THSD4: variants seen among roughly 807,000 people sequenced by gnomAD.
The protein encoded by THSD4 is thrombospondin type-1 domain-containing protein 4.
A neutral mutation model predicts 119.0 loss-of-function variants in THSD4; 69 were observed. The ratio of observed to expected loss-of-function variants is 0.58; its 90% confidence interval spans 0.48 to 0.71. THSD4 has a LOEUF of 0.71. THSD4 is among the 30% of genes least tolerant of loss of function. The pLI is 0.00. For missense variants in THSD4, 1,393 were observed against 1,391.1 expected, an observed-to-expected ratio of 1.00 and a Z score of -0.02; for synonymous variants, 524 against 540.4, an observed-to-expected ratio of 0.97 and a Z score of 0.42.
At chr15:71,716,379 T>A (rs2141102395) in intron 8 of THSD4, among the ~76,000 whole-genome samples, 1 of 152,312 alleles carries the variant, frequency 6.6e-6, no homozygotes, top group African/African-American at 2.4e-5. Context: ...GAGGACACTA[T>A]TCAACCCAGT....
intron 6 of THSD4, among the ~76,000 whole-genome samples, chr15:71,392,569 C>G (rs1004994403): frequency 4.6e-5 from 7 of 152,162 alleles, no homozygotes; most frequent in Non-Finnish European, 8.8e-5. Flanking sequence ...TGTCTAAAGG[C>G]CTAACCATCA....
At chr15:71,645,086 A>C (rs924183668) in intron 7 of THSD4, among the ~76,000 whole-genome samples, 1 of 152,202 alleles carries the variant, frequency 6.6e-6, no homozygotes, top group Non-Finnish European at 1.5e-5. Context: ...AATCATATAC[A>C]GAATACAGTC....
chr15:71,280,174 A>G (rs1411957053), intron 6 of THSD4, among the ~76,000 whole-genome samples: 1 of 152,190 alleles, frequency 6.6e-6, no homozygotes, highest in Non-Finnish European at 1.5e-5. Context: ...TTGGGCAGAA[A>G]ATACAGGTGT....
intron 7 of THSD4, among the ~76,000 whole-genome samples, chr15:71,423,277 C>T (rs911695367): frequency 1.3e-5 from 2 of 152,168 alleles, no homozygotes; most frequent in Non-Finnish European, 2.9e-5. Flanking sequence ...TCCATAGCCA[C>T]CACAGCTGGG....
chr15:71,145,852 G>A lies in THSD4; in HGVS notation c.29+4296G>A, dbSNP rs189184307. ...GGGAGGAGGGAGTGGAGGAAGGAGA[G>A]GGAAGGAGAAGGAGGAGGAGCAGGA... is the stretch of plus-strand genomic sequence containing the variant. On this transcript the variant is annotated intron_variant, in intron 2 of 17. Transcript: ENST00000261862. Among the ~76,000 whole-genome samples the A allele has an allele frequency of 3.4e-4, 51 of 152,028 alleles. 1 individual carries two copies. In the East Asian group the frequency reaches 9.7e-3, roughly 29 times the overall value.
intron 6 of THSD4, among the ~76,000 whole-genome samples, chr15:71,321,369 C>T (rs1185142836): frequency 6.6e-6 from 1 of 152,146 alleles, no homozygotes; most frequent in Admixed American, 6.5e-5. Context: ...AACCCTGTCT[C>T]TACTAAAAAT....
chr15:71,303,876 A>G (rs1247826117), intron 6 of THSD4, among the ~76,000 whole-genome samples: 2 of 152,130 alleles, frequency 1.3e-5, no homozygotes, highest in Admixed American at 1.3e-4. Context: ...TCCTCACACT[A>G]GGAACCTTGG....
chr15:71,141,145 C>G (rs560076209), intron 1 of THSD4, among the ~76,000 whole-genome samples: 1 of 152,354 alleles, frequency 6.6e-6, no homozygotes, highest in East Asian at 1.9e-4. Flanking sequence ...ATAGATGGGG[C>G]TGGATTTCCA....
At chr15:71,356,633 G>A (rs191121148) in intron 6 of THSD4, among the ~76,000 whole-genome samples, 10 of 151,222 alleles carry the variant, frequency 6.6e-5, no homozygotes, top group African/African-American at 2.4e-4. Flanking sequence ...CAGGGAGGGA[G>A]GAGGCTTTAG....
chr15:71,681,674 CAA>C (rs147593449), intron 8 of THSD4, among the ~76,000 whole-genome samples: 22 of 100,114 alleles, frequency 2.2e-4, no homozygotes, highest in Admixed American at 2.1e-4. Context: ...AACTTCGTCT[CAA>C]AAAAAAAAAA....
At chr15:71,100,213 T>C (rs1228204444) in intron 1 of THSD4, among the ~76,000 whole-genome samples, 1 of 152,210 alleles carries the variant, frequency 6.6e-6, no homozygotes, top group East Asian at 1.9e-4. Flanking sequence ...CTGTGAGTTG[T>C]TTCCAACCAA....
At position 71,256,689 on chromosome 15, in the gene THSD4, T is replaced by G; in HGVS notation, c.989T>G (p.Phe330Cys). The stretch of plus-strand genomic sequence containing the variant: ...AACAACAAGCCATTCATGGGCCGGT[T>G]TTATGAGTGGGAACCATTTGCAGAA... ...SYNNKPFMGR[F>C]YEWEPFAEVK... Residue 330 changes from phenylalanine (F) to cysteine (C), a missense_variant, in exon 6 of 18, where the codon TTT becomes TGT. Transcript: ENST00000261862. The G allele has an allele frequency of 6.2e-7, 1 of 1,613,854 alleles. No individual in the cohort carries two copies. Among genetic ancestry groups the G allele is most frequent in the Non-Finnish European group, 8.5e-7 (1 of 1,179,894 alleles).
intron 6 of THSD4, among the ~76,000 whole-genome samples, chr15:71,399,289 A>G (rs1236144382): frequency 6.6e-6 from 1 of 152,224 alleles, no homozygotes; most frequent in African/African-American, 2.4e-5. Flanking sequence ...ATTAATTTAT[A>G]TAAAGGGTCT....
chr15:71,199,852 A>ATGTGTGGTATGTGTGTGTGG, intron 3 of THSD4, among the ~76,000 whole-genome samples: 2 of 83,950 alleles, frequency 2.4e-5, no homozygotes, highest in South Asian at 9.7e-4. Context: ...GCTGTGTGTG[A>ATGTGTGGTATGTGTGTGTGG]TGCATGTGTG....
chr15:71,585,153 G>T (rs1025749757), intron 7 of THSD4, among the ~76,000 whole-genome samples: 2 of 152,076 alleles, frequency 1.3e-5, no homozygotes, highest in Non-Finnish European at 2.9e-5. Context: ...TCTGATTTTT[G>T]ACTATATTCT....
chr15:71,720,883 A>G (rs1389701785), intron 8 of THSD4, among the ~76,000 whole-genome samples: 2 of 152,230 alleles, frequency 1.3e-5, no homozygotes, highest in Non-Finnish European at 2.9e-5. Context: ...ATTTGTTGCT[A>G]GGAGAAACTT....
intron 8 of THSD4, among the ~76,000 whole-genome samples, chr15:71,669,417 C>T (rs1344237888): frequency 2.0e-5 from 3 of 152,062 alleles, no homozygotes; most frequent in Non-Finnish European, 4.4e-5. Flanking sequence ...GAAAAATTTT[C>T]ATCTTTTTTT....
intron 7 of THSD4, among the ~76,000 whole-genome samples, chr15:71,513,547 C>T (rs561705797): frequency 6.6e-5 from 10 of 152,284 alleles, no homozygotes; most frequent in African/African-American, 2.4e-4. Context: ...CGAAAACCTC[C>T]TTGCAGAACC....
intron 3 of THSD4, among the ~76,000 whole-genome samples, chr15:71,172,725 ATATATATATG>A (rs1326927282): frequency 2.7e-4 from 30 of 111,448 alleles, no homozygotes; most frequent in Non-Finnish European, 4.7e-4. Context: ...ATATATATAT[ATATATATATG>A]TGGACAATTG....
Sources: gnomAD v4.1 joint callset for allele counts (sites outside exome capture counted in the v4.1 genomes callset) on GRCh38, gnomAD v4.1.1 for gene constraint, MANE v1.5 for transcripts, NCBI Gene and HGNC (gene_info 2026-07-23, HGNC 2026-07-21) for gene names.